ZNF224: variants seen among roughly 807,000 people sequenced by gnomAD.
ZNF224 encodes bone marrow zinc finger 2.
In ZNF224, 8 loss-of-function variants were observed where a neutral mutation model predicts 10.5. The ratio of observed to expected loss-of-function variants is 0.76; its 90% CI spans 0.45 to 1.37. The LOEUF (loss-of-function observed/expected upper bound fraction) is 1.37, where lower values mean the gene tolerates loss of function less well. Ranked by LOEUF, ZNF224 falls within the 40% of genes most tolerant of loss-of-function variation. The pLI is 0.00. For synonymous variants in ZNF224, 282 were observed against 287.8 expected, an observed-to-expected ratio of 0.98 and a Z score of 0.20; for missense variants, 754 against 854.0, an observed-to-expected ratio of 0.88 and a Z score of 1.46.
rs947741443 is a variant in ZNF224, at chr19:44,109,386, T to A, written c.*1102T>A. On this transcript the variant is annotated 3_prime_UTR_variant, in exon 6 of 6. Coordinates refer to ENST00000693561, the MANE Select transcript of ZNF224 (RefSeq NM_001321645.3). ...GAATGACAGCTTTTGTCAACCTTCTTATCCAATATTCTTCCACCAACGCTA... is the reference window on the plus strand; with the variant it reads ...GAATGACAGCTTTTGTCAACCTTCTAATCCAATATTCTTCCACCAACGCTA... 2.6e-5 allele frequency: 4 copies of A among 152,196 alleles called. No homozygotes were observed. Among genetic ancestry groups the A allele is most frequent in the Non-Finnish European group, 5.9e-5 (4 of 68,038 alleles). 9.4% of individuals were successfully genotyped at this position (152,196 alleles called of 1,614,324 possible). A position where few individuals can be genotyped will look rare whatever the true frequency, so the allele number is the denominator to read the frequency against.
chr19:44,094,838 T>G (rs1431436001), intron 1 of ZNF224: 5 of 152,480 alleles, frequency 3.3e-5, no homozygotes, highest in Admixed American at 2.6e-4. Context: ...AATGAGAGCC[T>G]TAAAGCAGTC....
Position 44,107,286 on chromosome 19 carries a change from G to C in ZNF224, c.1126G>C (p.Glu376Gln), listed in dbSNP as rs79804719. The C allele has an allele frequency of 1.7e-3, 2,742 of 1,584,920 alleles. 38 individuals are homozygous for C. The African/African-American group carries it at 0.033, about 19-fold the overall frequency. The change falls in exon 6 of 6, where the codon GAG becomes CAG. Residue 376 changes from glutamate to glutamine, a missense_variant. By Grantham distance (29) the Glu-to-Gln change is conservative. Transcript: ENST00000693561. ...GGGAGAAAAGCCATATAATTGTAAAGAGTGTGGGAAGAGCTTCAGATGGGC... is the reference window on the plus strand; with the variant it reads ...GGGAGAAAAGCCATATAATTGTAAACAGTGTGGGAAGAGCTTCAGATGGGC... ...HTGEKPYNCK[E>Q]CGKSFRWASC...
chr19:44,096,028 T>C (rs186039691), intron 1 of ZNF224: 1 of 152,230 alleles, frequency 6.6e-6, no homozygotes, highest in Non-Finnish European at 1.5e-5. Context: ...TGTATATTTA[T>C]AGGTTTATTT....
chr19:44,105,036 A>G (rs1967626240), intron 5 of ZNF224, among the ~76,000 whole-genome samples: 1 of 152,188 alleles, frequency 6.6e-6, no homozygotes. Flanking sequence ...CCATGTGGCT[A>G]GTCAGTCTCC....
At chr19:44,102,154 T>A (rs1967561199) in intron 5 of ZNF224, among the ~76,000 whole-genome samples, 1 of 152,242 alleles carries the variant, frequency 6.6e-6, no homozygotes, top group Admixed American at 6.5e-5. Flanking sequence ...CAGCCCTTAC[T>A]TGCTCATCTC....
intron 5 of ZNF224, among the ~76,000 whole-genome samples, chr19:44,103,745 C>T (rs576246160): frequency 9.2e-5 from 14 of 152,172 alleles, no homozygotes; most frequent in African/African-American, 3.1e-4. Flanking sequence ...TGCTGGAGAG[C>T]ATTGGCATGA....
At position 44,107,492 on chromosome 19, in the gene ZNF224, C is replaced by A; in HGVS notation, c.1332C>A (p.Asp444Glu). The A allele has an allele frequency of 6.2e-7, 1 of 1,601,638 alleles. No individual in the cohort carries two copies. ...GKGYKRRLDL[D>E]FHQRVHTGEK... is the part of the protein sequence containing the mutation. ...GCTACAAAAGGAGGTTGGATCTTGA[C>A]TTTCACCAGCGCGTCCATACAGGAG... Residue 444 changes from aspartate (D) to glutamate (E), a missense_variant, in exon 6 of 6, where the codon GAC becomes GAA. Physicochemically the swap from Asp to Glu is conservative, Grantham distance 45. Transcript: ENST00000693561.
Position 44,108,381 on chromosome 19 carries a change from T to C in ZNF224, c.*97T>C, listed in dbSNP as rs1468674498. The C allele has an allele frequency of 9.8e-6, 12 of 1,222,564 alleles. No individual in the cohort carries two copies. Among genetic ancestry groups the C allele is most frequent in the Admixed American group, 2.5e-5 (1 of 39,368 alleles). The allele number at this position is 1,222,564 out of a possible 1,614,324, so 75.7% of individuals were successfully genotyped here. ...GAGACACATTAAAATATGAGGCACA[T>C]AGTAAGCACTTCCCTTTGAGTATTT... On this transcript the variant is annotated 3_prime_UTR_variant, in exon 6 of 6. Coordinates refer to ENST00000693561, the MANE Select transcript of ZNF224 (RefSeq NM_001321645.3).
In ZNF224 at chr19:44,106,980, C is replaced by T; in HGVS notation, c.820C>T (p.Gln274Ter). Reference sequence around the variant, plus strand: ...CGGGAAGGCCTTCATTCACGATTCCCAGCTTCAAGAACATCAGAGAATCCA... The same window carrying T: ...CGGGAAGGCCTTCATTCACGATTCCTAGCTTCAAGAACATCAGAGAATCCA... Reference protein sequence around the residue: ...ECGKAFIHDSQLQEHQRIHTG... With the variant: ...ECGKAFIHDS The change falls in exon 6 of 6, where the codon CAG becomes TAG. Residue 274 changes from glutamine (Q) to a stop codon, truncating the protein, a stop_gained. Transcript: ENST00000693561. LOFTEE classifies it low-confidence loss of function (END_TRUNC). 5 of 1,610,498 alleles carry T rather than the reference C, an allele frequency of 3.1e-6. No homozygotes were observed. Among genetic ancestry groups the T allele is most frequent in the Non-Finnish European group, 4.2e-6 (5 of 1,177,916 alleles).
chr19:44,099,784 C>G (rs1967511549), intron 3 of ZNF224, among the ~76,000 whole-genome samples: 1 of 151,414 alleles, frequency 6.6e-6, no homozygotes, highest in African/African-American at 2.4e-5. Flanking sequence ...TTAAGAAAAA[C>G]CAGAATAATG....
intron 3 of ZNF224, among the ~76,000 whole-genome samples, chr19:44,100,189 G>C (rs1967519022): frequency 6.6e-6 from 1 of 152,128 alleles, no homozygotes; most frequent in Non-Finnish European, 1.5e-5. Context: ...AATGCATTCA[G>C]GCCAACTTGT....
At position 44,100,956 on chromosome 19, in the gene ZNF224, C is replaced by T. The variant is rs199899348; in HGVS notation, c.142+29C>T. 3.1e-4 allele frequency: 506 copies of T among 1,611,212 alleles called. 2 individuals carry two copies. Among genetic ancestry groups the T allele is most frequent in the Non-Finnish European group, 9.3e-5 (110 of 1,178,392 alleles). ...AGGACAGGCACCCTCTGTAACAGAA[C>T]GTCAGGCCCCAGAGGTGGCTTTGTA... On this transcript the variant is annotated intron_variant, in intron 4 of 5. Coordinates refer to ENST00000693561, the MANE Select transcript of ZNF224 (RefSeq NM_001321645.3).
rs992861128 is a variant in ZNF224 at position 44,107,956 on chromosome 19, A to T, written c.1796A>T (p.Asp599Val). 6 of 1,613,950 alleles carry T rather than the reference A, an allele frequency of 3.7e-6. No homozygotes were observed. The African/African-American group carries it at 5.3e-5, about 14-fold the overall frequency. Residue 599 changes from aspartate to valine, a missense_variant, in exon 6 of 6, where the codon GAT becomes GTT. Coordinates refer to ENST00000693561, the MANE Select transcript of ZNF224 (RefSeq NM_001321645.3). ...ACTGGAGAAAAGCCATACAAATGTG[A>T]TGAGTGTGGGAAGGGCTTCAGCTGG... ...VHTGEKPYKC[D>V]ECGKGFSWSS...
Position 44,106,867 on chromosome 19 carries a change from A to C in ZNF224, c.707A>C (p.Glu236Ala), listed in dbSNP as rs1367724098. 2 of 1,612,438 alleles carry C rather than the reference A, an allele frequency of 1.2e-6. No homozygotes were observed. Among genetic ancestry groups the C allele is most frequent in the Non-Finnish European group, 1.7e-6 (2 of 1,179,012 alleles). ...HTGEKPFKCVECGKGFSRRSA... is the reference protein window; with the variant it reads ...HTGEKPFKCVACGKGFSRRSA... ...GGAGAGAAACCGTTCAAATGTGTGG[A>C]ATGTGGGAAAGGCTTCAGTCGTAGA... The change falls in exon 6 of 6, where the codon GAA (glutamate) becomes GCA (alanine). Residue 236 changes from glutamate (E) to alanine (A), a missense_variant. Physicochemically the swap from Glu to Ala is moderately radical, Grantham distance 107 (BLOSUM62 -1). Transcript: ENST00000693561.
intron 4 of ZNF224, 38 bp from the exon 5 acceptor site, chr19:44,101,095 T>C (rs757923892): frequency 2.5e-6 from 4 of 1,612,194 alleles, no homozygotes; most frequent in Non-Finnish European, 3.4e-6. Context: ...TTACCTAGAA[T>C]GTGTTGGGAT....
At chr19:44,097,503 G>A (rs1967462174) in intron 2 of ZNF224, among the ~76,000 whole-genome samples, 1 of 152,176 alleles carries the variant, frequency 6.6e-6, no homozygotes, top group South Asian at 2.1e-4. Flanking sequence ...CCTGCAATAT[G>A]TGGTCTTTTT....
chr19:44,107,454 G>A lies in ZNF224; in HGVS notation c.1294G>A (p.Glu432Lys), dbSNP rs1967707029. 6.2e-7 allele frequency: 1 copy of A among 1,608,108 alleles called. No homozygotes were observed. Among genetic ancestry groups the A allele is most frequent in the Non-Finnish European group, 8.5e-7 (1 of 1,177,486 alleles). ...TGGAGAAAAACCATACAAATGTGTG[G>A]AGTGTGGGAAGGGCTACAAAAGGAG... ...HSGEKPYKCV[E>K]CGKGYKRRLD... Residue 432 changes from glutamate to lysine, a missense_variant, in exon 6 of 6, where the codon GAG becomes AAG. Glu to Lys is a moderately conservative substitution (Grantham distance 56, BLOSUM62 1). Coordinates refer to ENST00000693561, the MANE Select transcript of ZNF224 (RefSeq NM_001321645.3).
At position 44,108,198 on chromosome 19, in the gene ZNF224, TG is replaced by T; in HGVS notation, c.2040del (p.Trp680Ter). The T allele has an allele frequency of 1.9e-6, 3 of 1,614,128 alleles. No homozygotes were observed. Among genetic ancestry groups the T allele is most frequent in the Non-Finnish European group, 2.5e-6 (3 of 1,179,962 alleles). Reference sequence around the variant, plus strand: ...GAGGGTCCACATGGGAGAGAAAACATGGAAGTGTAGGGAGTGTGATATGTGC... The same window carrying T: ...GAGGGTCCACATGGGAGAGAAAACATGAAGTGTAGGGAGTGTGATATGTGC... ...HQRVHMGEKT[W>X]KCRECDMCFS... is the part of the protein sequence containing the mutation. On this transcript the variant is annotated frameshift_variant, in exon 6 of 6. Coordinates refer to ENST00000693561, the MANE Select transcript of ZNF224 (RefSeq NM_001321645.3). LOFTEE classifies it low-confidence loss of function (END_TRUNC).
chr19:44,107,866 A>G lies in ZNF224; in HGVS notation c.1706A>G (p.Lys569Arg), dbSNP rs140606134. The change falls in exon 6 of 6, where the codon AAA (lysine) becomes AGA (arginine). Residue 569 changes from lysine (K) to arginine (R), a missense_variant. Lys to Arg is a conservative substitution (Grantham distance 26). Coordinates refer to ENST00000693561, the MANE Select transcript of ZNF224 (RefSeq NM_001321645.3). ...QRLHSGEKPF[K>R]CEECGKRFTQ... ...CTGCACAGTGGAGAAAAACCATTCAAATGTGAAGAGTGTGGGAAAAGATTT... is the reference window on the plus strand; with the variant it reads ...CTGCACAGTGGAGAAAAACCATTCAGATGTGAAGAGTGTGGGAAAAGATTT... The G allele has an allele frequency of 6.2e-7, 1 of 1,601,756 alleles. No homozygotes were observed. Among genetic ancestry groups the G allele is most frequent in the African/African-American group, 1.3e-5 (1 of 74,172 alleles).
Sources: gnomAD v4.1 joint callset for allele counts (sites outside exome capture counted in the v4.1 genomes callset) on GRCh38, gnomAD v4.1.1 for gene constraint, MANE v1.5 for transcripts, NCBI Gene and HGNC (gene_info 2026-07-23, HGNC 2026-07-21) for gene names.